Variants in SORCS2 observed in about 807,000 individuals in gnomAD.
The protein encoded by SORCS2 is sortilin related VPS10 domain containing receptor 2, also known as VPS10 domain-containing receptor SorCS2.
Under a neutral mutation model 141.6 loss-of-function variants are expected in SORCS2, and 100 were observed. The ratio of observed to expected loss-of-function variants is 0.71; its 90% CI spans 0.60 to 0.83. The LOEUF (loss-of-function observed/expected upper bound fraction) is 0.83. Ranked by LOEUF, SORCS2 falls within the 40% of genes least tolerant of loss-of-function variation. SORCS2 has a pLI of 0.00. For synonymous variants in SORCS2, 789 were observed against 676.9 expected (o/e 1.17, Z -2.57); for missense variants, 1,646 against 1,560.2 (o/e 1.05, Z -0.93).
At chr4:7,436,588 C>T (rs1727317052) in intron 2 of SORCS2, among the ~76,000 whole-genome samples, 1 of 152,254 alleles carries the variant, frequency 6.6e-6, no homozygotes, top group Non-Finnish European at 1.5e-5. Context: ...TAATGAAGGA[C>T]TTCTTGGCTC....
intron 1 of SORCS2, among the ~76,000 whole-genome samples, chr4:7,375,116 A>G (rs1722554882): frequency 6.6e-6 from 1 of 152,148 alleles, no homozygotes. Flanking sequence ...TGCCTTGTCT[A>G]ACTCTGGCTT....
chr4:7,490,584 G>C (rs1408918011), intron 2 of SORCS2, among the ~76,000 whole-genome samples: 1 of 152,216 alleles, frequency 6.6e-6, no homozygotes, highest in Non-Finnish European at 1.5e-5. Context: ...AGGACCGGCA[G>C]GGGTGAGGAT....
intron 2 of SORCS2, among the ~76,000 whole-genome samples, chr4:7,486,770 C>T (rs1294372997): frequency 1.3e-5 from 2 of 152,194 alleles, no homozygotes; most frequent in Non-Finnish European, 2.9e-5. Context: ...CTACAGCTGC[C>T]CTCCCATGGT....
At chr4:7,259,911 C>A (rs1714202018) in intron 1 of SORCS2, among the ~76,000 whole-genome samples, 1 of 152,212 alleles carries the variant, frequency 6.6e-6, no homozygotes, top group African/African-American at 2.4e-5. Flanking sequence ...ACCATTGGGC[C>A]ACCCAGCCTG....
intron 1 of SORCS2, among the ~76,000 whole-genome samples, chr4:7,354,332 C>T (rs534230575): frequency 8.5e-5 from 13 of 152,212 alleles, no homozygotes; most frequent in South Asian, 2.1e-4. Flanking sequence ...CGCTGCCTTC[C>T]GGCTCCCAGG....
intron 2 of SORCS2, among the ~76,000 whole-genome samples, chr4:7,512,894 C>T (rs1357747965): frequency 6.6e-6 from 1 of 152,212 alleles, no homozygotes; most frequent in Admixed American, 6.5e-5. Context: ...GGGCCCTGCC[C>T]CTCCATGGCC....
At chr4:7,732,343 G>A (rs1711766793) in intron 23 of SORCS2, among the ~76,000 whole-genome samples, 2 of 152,208 alleles carry the variant, frequency 1.3e-5, no homozygotes, top group South Asian at 4.1e-4. Context: ...AGCCCTGGGT[G>A]ATGACTGATG....
In SORCS2 at chr4:7,740,672, C is replaced by T. The variant is rs115731985; in HGVS notation, c.*408C>T. 4,397 of 278,072 alleles carry T rather than the reference C, an allele frequency of 0.016. 129 individuals are homozygous for T. Among genetic ancestry groups the T allele is most frequent in the African/African-American group, 0.074 (3,503 of 47,178 alleles). 17.2% of individuals were successfully genotyped at this position (278,072 alleles called of 1,614,324 possible). On this transcript the variant is annotated 3_prime_UTR_variant, in exon 27 of 27. Transcript: ENST00000507866. ...GACACTGCGTTGCGGGCTCCTTCCC[C>T]GCAGAGGCCGGGGCCTCCCTGACTT...
intron 2 of SORCS2, among the ~76,000 whole-genome samples, chr4:7,439,668 G>A (rs569336043): frequency 6.6e-4 from 100 of 152,228 alleles, no homozygotes; most frequent in African/African-American, 1.9e-3. Context: ...GATGTCCTCC[G>A]TCCCTGCCTC....
chr4:7,632,016 GT>G (rs1719928747), intron 3 of SORCS2, among the ~76,000 whole-genome samples: 1 of 152,162 alleles, frequency 6.6e-6, no homozygotes, highest in Non-Finnish European at 1.5e-5. Flanking sequence ...GAGAAAAGCC[GT>G]CTGTGTGATC....
chr4:7,324,044 C>CTCCTG (rs1191730113), intron 1 of SORCS2, among the ~76,000 whole-genome samples: 1 of 152,216 alleles, frequency 6.6e-6, no homozygotes. Flanking sequence ...TCACAGGGAT[C>CTCCTG]TCCTGTTTCC....
At chr4:7,639,746 AATGT>A (rs1720523951) in intron 4 of SORCS2, among the ~76,000 whole-genome samples, 1 of 142,354 alleles carries the variant, frequency 7.0e-6, no homozygotes, top group Admixed American at 7.0e-5. Flanking sequence ...TGAGACTGTG[AATGT>A]ATGAGTGTAT....
At chr4:7,304,695 C>T (rs894893171) in intron 1 of SORCS2, among the ~76,000 whole-genome samples, 3 of 152,220 alleles carry the variant, frequency 2.0e-5, no homozygotes, top group African/African-American at 4.8e-5. Context: ...GCCTGAGCTC[C>T]TGGTGGGCGG....
chr4:7,387,793 C>T (rs1316831690), intron 1 of SORCS2, among the ~76,000 whole-genome samples: 1 of 115,148 alleles, frequency 8.7e-6, no homozygotes, highest in African/African-American at 2.7e-5. Flanking sequence ...TAGGTACATG[C>T]ATGCTCACAT....
intron 2 of SORCS2, among the ~76,000 whole-genome samples, chr4:7,463,683 T>C (rs1267391265): frequency 3.9e-5 from 6 of 152,118 alleles, no homozygotes; most frequent in Non-Finnish European, 8.8e-5. Context: ...AATTTGGAAA[T>C]AGTAGGGAGG....
intron 1 of SORCS2, among the ~76,000 whole-genome samples, chr4:7,316,241 T>TCCATCCAC: frequency 6.6e-6 from 1 of 152,082 alleles, no homozygotes; most frequent in Non-Finnish European, 1.5e-5. Flanking sequence ...CATCCATCCA[T>TCCATCCAC]CCATCCATCC....
At chr4:7,710,451 A>G (rs1206427494) in intron 14 of SORCS2, among the ~76,000 whole-genome samples, 2 of 152,196 alleles carry the variant, frequency 1.3e-5, no homozygotes, top group Non-Finnish European at 2.9e-5. Context: ...CCATAATGCC[A>G]CAGGCCACAG....
chr4:7,519,676 G>A (rs1287166090), intron 2 of SORCS2, among the ~76,000 whole-genome samples: 2 of 152,212 alleles, frequency 1.3e-5, no homozygotes, highest in Admixed American at 1.3e-4. Flanking sequence ...TGCTGGCATG[G>A]AGCAACCTGC....
intron 6 of SORCS2, 45 bp downstream of exon 6, chr4:7,661,609 C>G: frequency 6.5e-7 from 1 of 1,528,928 alleles, no homozygotes; most frequent in South Asian, 1.2e-5. Context: ...TGAGTCACCT[C>G]GCACCCGACA....
Sources: gnomAD v4.1 joint callset for allele counts (sites outside exome capture counted in the v4.1 genomes callset) on GRCh38, gnomAD v4.1.1 for gene constraint, MANE v1.5 for transcripts, NCBI Gene and HGNC (gene_info 2026-07-23, HGNC 2026-07-21) for gene names.